RANBP17: variants seen among roughly 807,000 people sequenced by gnomAD.
RANBP17 encodes ran-binding protein 17.
Under a neutral mutation model 141.2 loss-of-function variants are expected in RANBP17, and 158 were observed. The ratio of observed to expected loss-of-function variants is 1.12; its 90% confidence interval spans 0.98 to 1.28. RANBP17 has a LOEUF of 1.28. Among genes scored for constraint, RANBP17 ranks in the 50% most tolerant of loss-of-function variants. RANBP17 has a pLI of 0.00. For synonymous variants in RANBP17, 430 were observed against 450.0 expected (o/e 0.96, Z 0.56); for missense variants, 1,438 against 1,290.7 (o/e 1.11, Z -1.75).
intron 14 of RANBP17, among the ~76,000 whole-genome samples, chr5:171,145,709 T>C (rs1757989277): frequency 6.6e-6 from 1 of 152,168 alleles, no homozygotes; most frequent in African/African-American, 2.4e-5. Flanking sequence ...AAATTGTTAA[T>C]TGAAATAGGC....
intron 3 of RANBP17, among the ~76,000 whole-genome samples, chr5:170,883,521 A>C (rs1768894072): frequency 6.6e-6 from 1 of 152,206 alleles, no homozygotes; most frequent in East Asian, 1.9e-4. Context: ...CAAATGTGTT[A>C]ATACAATGAC....
intron 14 of RANBP17, among the ~76,000 whole-genome samples, chr5:170,974,092 C>T (rs1377066010): frequency 6.6e-6 from 1 of 152,150 alleles, no homozygotes; most frequent in Admixed American, 6.5e-5. Flanking sequence ...GTTTAGTCCC[C>T]AAAGTCTTAG....
rs866735320 is a variant in RANBP17 at position 171,258,142 on chromosome 5, C to T, written c.2777-7539C>T. 3.4e-3 allele frequency among the ~76,000 whole-genome samples: 518 copies of T among 150,918 alleles called. 4 individuals are homozygous for T. The highest frequency in any genetic ancestry group is 0.012 in the African/African-American group (493 of 41,136). The stretch of plus-strand genomic sequence containing the variant: ...ATACACACACACACACACACACACA[C>T]ACACACACACACACACACCCCTAGG... On this transcript the variant is annotated intron_variant, in intron 24 of 27. Transcript: ENST00000523189.
intron 14 of RANBP17, among the ~76,000 whole-genome samples, chr5:171,006,979 G>C (rs1201584890): frequency 6.6e-6 from 1 of 152,162 alleles, no homozygotes; most frequent in Non-Finnish European, 1.5e-5. Context: ...CTGCCTGATA[G>C]TTCCATTGGG....
At position 171,143,757 on chromosome 5, in the gene RANBP17, A is replaced by G. The variant is rs1757857342; in HGVS notation, c.1711-26373A>G. Among the ~76,000 whole-genome samples the G allele has an allele frequency of 3.3e-5, 5 of 152,252 alleles. No individual in the cohort carries two copies. The South Asian group carries it at 1.0e-3, about 32-fold the overall frequency. ...ACAGAATGACAATGGAAATGTATGAAGTTCCATATGAAAGAGGTCAAGAGA... is the reference window on the plus strand; with the variant it reads ...ACAGAATGACAATGGAAATGTATGAGGTTCCATATGAAAGAGGTCAAGAGA... On this transcript the variant is annotated intron_variant, in intron 14 of 27. Coordinates refer to ENST00000523189, the MANE Select transcript of RANBP17 (RefSeq NM_022897.5).
At chr5:171,100,398 A>G (rs139230335) in intron 14 of RANBP17, among the ~76,000 whole-genome samples, 141 of 152,274 alleles carry the variant, frequency 9.3e-4, no homozygotes, top group Non-Finnish European at 1.6e-3. Flanking sequence ...ACAGGTGTTT[A>G]TAGTATTATC....
intron 14 of RANBP17, among the ~76,000 whole-genome samples, chr5:171,079,138 G>A (rs1253867357): frequency 2.0e-5 from 3 of 152,098 alleles, no homozygotes; most frequent in South Asian, 2.1e-4. Context: ...TAACCCTCAT[G>A]GATGACTCTG....
At position 171,246,052 on chromosome 5, in the gene RANBP17, T is replaced by C. The variant is rs961368677; in HGVS notation, c.2776+3232T>C. On this transcript the variant is annotated intron_variant, in intron 24 of 27. Coordinates refer to ENST00000523189, the MANE Select transcript of RANBP17 (RefSeq NM_022897.5). ...TGCCACCACGCCTAGCTAATTTTTT[T>C]GTATTTTTAGTAGAGACAGGGTTTC... Among the ~76,000 whole-genome samples the C allele has an allele frequency of 3.9e-5, 6 of 152,220 alleles. No homozygotes were observed. In the South Asian group the frequency reaches 1.2e-3, roughly 32 times the overall value.
intron 14 of RANBP17, among the ~76,000 whole-genome samples, chr5:170,990,847 A>G (rs1289006269): frequency 6.6e-6 from 1 of 151,988 alleles, no homozygotes; most frequent in Non-Finnish European, 1.5e-5. Flanking sequence ...AAAGTAATGT[A>G]GTAGTGGTCA....
intron 14 of RANBP17, among the ~76,000 whole-genome samples, chr5:171,092,228 G>T (rs1022618265): frequency 6.6e-6 from 1 of 152,084 alleles, no homozygotes; most frequent in Non-Finnish European, 1.5e-5. Context: ...ATTTGCCTTT[G>T]ATATCTAATT....
intron 9 of RANBP17, 125 bp downstream of exon 9, chr5:170,916,709 C>A: frequency 6.0e-6 from 3 of 497,630 alleles, no homozygotes; most frequent in Non-Finnish European, 9.7e-6. Flanking sequence ...TATATATCTT[C>A]CTTAGAGCTT....
intron 14 of RANBP17, among the ~76,000 whole-genome samples, chr5:171,027,278 T>TA (rs1781292669): frequency 6.6e-6 from 1 of 152,216 alleles, no homozygotes; most frequent in African/African-American, 2.4e-5. Context: ...TCCAGATTGT[T>TA]AAAGATTCAG....
intron 14 of RANBP17, among the ~76,000 whole-genome samples, chr5:170,975,640 A>G (rs1166940107): frequency 6.6e-6 from 1 of 152,202 alleles, no homozygotes; most frequent in East Asian, 1.9e-4. Context: ...TGCCACTTTT[A>G]TAAGGGCACC....
chr5:170,919,705 G>T, intron 11 of RANBP17, 92 bp downstream of exon 11: 2 of 926,090 alleles, frequency 2.2e-6, no homozygotes, highest in Non-Finnish European at 1.6e-6. Context: ...ACCCCTTTTA[G>T]CGTACAGTTG....
chr5:171,023,131 T>A (rs1261070039), intron 14 of RANBP17, among the ~76,000 whole-genome samples: 1 of 152,226 alleles, frequency 6.6e-6, no homozygotes, highest in Non-Finnish European at 1.5e-5. Flanking sequence ...AGAACCTGGA[T>A]ACCTTGGTTG....
chr5:171,246,774 A>G (rs773242691), intron 24 of RANBP17, among the ~76,000 whole-genome samples: 1 of 152,206 alleles, frequency 6.6e-6, no homozygotes, highest in Non-Finnish European at 1.5e-5. Context: ...ACTTGGATTT[A>G]AGTCCCAGCA....
chr5:171,210,976 G>C (rs954615192), intron 20 of RANBP17, among the ~76,000 whole-genome samples: 213 of 139,414 alleles, frequency 1.5e-3, no homozygotes, highest in African/African-American at 5.6e-3. Flanking sequence ...CTGCACCCCA[G>C]CCTGGCAACA....
chr5:170,938,118 C>CA (rs1347711960), intron 12 of RANBP17, among the ~76,000 whole-genome samples: 1 of 152,128 alleles, frequency 6.6e-6, no homozygotes, highest in Non-Finnish European at 1.5e-5. Flanking sequence ...CGGGGTGGGA[C>CA]GGGTCAAACA....
chr5:170,951,152 A>C (rs1053720087), intron 12 of RANBP17, among the ~76,000 whole-genome samples: 1 of 152,004 alleles, frequency 6.6e-6, no homozygotes, highest in Non-Finnish European at 1.5e-5. Flanking sequence ...TATAAGTTCT[A>C]ATGTTTGATA....
Sources: gnomAD v4.1 joint callset for allele counts (sites outside exome capture counted in the v4.1 genomes callset) on GRCh38, gnomAD v4.1.1 for gene constraint, MANE v1.5 for transcripts, NCBI Gene and HGNC (gene_info 2026-07-23, HGNC 2026-07-21) for gene names.